The following ABCE1 variants were observed in gnomAD, a reference collection of about 807,000 sequenced individuals.
ABCE1 encodes the protein ATP-binding cassette sub-family E member 1.
Under a neutral mutation model 83.4 loss-of-function variants are expected in ABCE1, and 22 were observed. The ratio of observed to expected loss-of-function variants is 0.26; its 90% CI spans 0.19 to 0.38. ABCE1 has a LOEUF of 0.38. Among genes scored for constraint, ABCE1 ranks in the 10% least tolerant of loss-of-function variants. The probability of loss-of-function intolerance (pLI) is 1.00; values close to 1 mark genes in which losing one functional copy is unlikely to be tolerated. For missense variants in ABCE1, 330 were observed against 721.9 expected (o/e 0.46, Z 6.22); for synonymous variants, 204 against 233.7 (o/e 0.87, Z 1.16).
intron 1 of ABCE1, among the ~76,000 whole-genome samples, chr4:145,103,919 A>G (rs1749223768): frequency 6.6e-6 from 1 of 151,606 alleles, no homozygotes; most frequent in Non-Finnish European, 1.5e-5. Flanking sequence ...ACACCACCAC[A>G]TGTCTGGGGT....
chr4:145,102,942 G>A (rs975433473), intron 1 of ABCE1, among the ~76,000 whole-genome samples: 4 of 152,020 alleles, frequency 2.6e-5, no homozygotes, highest in Non-Finnish European at 5.9e-5. Flanking sequence ...GAGGAGAGGG[G>A]TTAAATGAGA....
At chr4:145,104,282 C>T in intron 1 of ABCE1, 104 bp from the exon 2 acceptor site, 1 of 416,764 alleles carries the variant, frequency 2.4e-6, no homozygotes, top group Non-Finnish European at 4.2e-6. Context: ...TGCAGATAAT[C>T]ATTTCATCTC....
intron 16 of ABCE1, chr4:145,123,911 A>C (rs573236022): frequency 8.1e-5 from 15 of 186,296 alleles, no homozygotes; most frequent in Non-Finnish European, 1.7e-4. Flanking sequence ...AAGATTGAAA[A>C]CTATTGCTTT....
At chr4:145,102,349 G>GA (rs1749175182) in intron 1 of ABCE1, among the ~76,000 whole-genome samples, 1 of 152,154 alleles carries the variant, frequency 6.6e-6, no homozygotes, top group South Asian at 2.1e-4. Context: ...AATGGGAGAC[G>GA]ATGGGGTCAG....
Position 145,110,111 on chromosome 4 carries a change from T to C in ABCE1, c.414T>C (p.Pro138=). The change falls in exon 6 of 18, where the codon CCT becomes CCC. Residue 138 remains proline, a synonymous_variant. Transcript: ENST00000296577. ...TTTTTTTTTTTTTTTAGGATCCTCC[T>C]GACTGGCAGGAGATTTTGACTTATT... The part of the protein sequence containing the change: ...KPNLGKYDDP[P]DWQEILTYFR... 6.4e-7 allele frequency: 1 copy of C among 1,571,536 alleles called. No homozygotes were observed. Among genetic ancestry groups the C allele is most frequent in the Non-Finnish European group, 8.6e-7 (1 of 1,165,188 alleles).
intron 17 of ABCE1, among the ~76,000 whole-genome samples, chr4:145,126,646 C>T (rs1218919896): frequency 6.6e-6 from 1 of 152,152 alleles, no homozygotes; most frequent in Non-Finnish European, 1.5e-5. Flanking sequence ...CATTTTATCA[C>T]TCTGTATCCA....
chr4:145,113,274 C>T (rs956462801), intron 9 of ABCE1, among the ~76,000 whole-genome samples: 21 of 152,116 alleles, frequency 1.4e-4, no homozygotes, highest in Admixed American at 1.2e-3. Context: ...TATCATTGCA[C>T]GGAAATGTCA....
intron 4 of ABCE1, among the ~76,000 whole-genome samples, chr4:145,108,357 A>G (rs1749365879): frequency 6.6e-6 from 1 of 152,188 alleles, no homozygotes; most frequent in Admixed American, 6.5e-5. Context: ...TAATTACATC[A>G]TAGGGTCTGG....
chr4:145,117,552 G>A (rs1026512357), intron 10 of ABCE1, 138 bp downstream of exon 10: 1 of 711,584 alleles, frequency 1.4e-6, no homozygotes, highest in Non-Finnish European at 2.1e-6. Context: ...TAATCACTGA[G>A]CATATAAGGT....
chr4:145,122,958 C>T (rs898810754), intron 13 of ABCE1, 63 bp from the exon 14 acceptor site: 6 of 1,156,400 alleles, frequency 5.2e-6, no homozygotes, highest in African/African-American at 1.6e-5. Context: ...TGTCAAGATT[C>T]ATAAATAGAA....
chr4:145,124,763 T>A (rs1749831145), intron 16 of ABCE1, among the ~76,000 whole-genome samples: 1 of 150,330 alleles, frequency 6.7e-6, no homozygotes, highest in African/African-American at 2.4e-5. Context: ...CCAGGTTAAA[T>A]TTTTTTTTTG....
intron 10 of ABCE1, among the ~76,000 whole-genome samples, chr4:145,118,659 T>C (rs1189558654): frequency 6.6e-6 from 1 of 151,914 alleles, no homozygotes; most frequent in Non-Finnish European, 1.5e-5. Flanking sequence ...ATAAATGTCA[T>C]GTCTAAAGGC....
chr4:145,098,785 C>A (rs1167396781), intron 1 of ABCE1, among the ~76,000 whole-genome samples: 3 of 152,250 alleles, frequency 2.0e-5, no homozygotes. Context: ...CTCTCTAGTA[C>A]CCCCACACTC....
chr4:145,111,417 G>C (rs530283403), intron 8 of ABCE1, among the ~76,000 whole-genome samples: 1 of 152,122 alleles, frequency 6.6e-6, no homozygotes, highest in African/African-American at 2.4e-5. Context: ...TCCACCTCCC[G>C]GGTTCACGCC....
Position 145,127,644 on chromosome 4 carries a change from C to G in ABCE1, c.*71C>G. On this transcript the variant is annotated 3_prime_UTR_variant, in exon 18 of 18. Transcript: ENST00000296577. ...TACTAGAATTTTTTGTCATATAAAA[C>G]TTGAATCAGGATTTTATGCCCCACA... is the stretch of plus-strand genomic sequence containing the variant. The G allele has an allele frequency of 8.0e-7, 1 of 1,250,546 alleles. No homozygotes were observed. The highest frequency in any genetic ancestry group is 1.6e-5 in the South Asian group (1 of 64,304). 77.5% of individuals were successfully genotyped at this position (1,250,546 alleles called of 1,614,324 possible).
intron 10 of ABCE1, among the ~76,000 whole-genome samples, chr4:145,117,995 A>G (rs1023083953): frequency 1.3e-5 from 2 of 151,618 alleles, no homozygotes; most frequent in Non-Finnish European, 3.0e-5. Context: ...CTAGCGTACC[A>G]CTAAGTGGCT....
intron 13 of ABCE1, chr4:145,121,894 A>T (rs1166639803): frequency 6.6e-6 from 1 of 152,306 alleles, no homozygotes; most frequent in Non-Finnish European, 1.5e-5. Context: ...AAAAATAAAG[A>T]TGTTTGTCAT....
chr4:145,125,087 C>G lies in ABCE1; in HGVS notation c.1738C>G (p.Leu580Val). Residue 580 changes from leucine (L) to valine (V), a missense_variant, in exon 17 of 18, where the codon CTT becomes GTT. Transcript: ENST00000296577. Reference protein sequence around the residue: ...PNNYRPRINKLNSIKDVEQKK... With the variant: ...PNNYRPRINKVNSIKDVEQKK... ...CAACTATAGGCCACGAATAAACAAACTTAATTCAATTAAGGTATGTAGAAA... is the reference window on the plus strand; with the variant it reads ...CAACTATAGGCCACGAATAAACAAAGTTAATTCAATTAAGGTATGTAGAAA... 1 of 1,603,856 alleles carries G rather than the reference C, an allele frequency of 6.2e-7. No homozygotes were observed.
intron 2 of ABCE1, 120 bp downstream of exon 2, chr4:145,104,635 G>T (rs1749250799): frequency 3.5e-6 from 2 of 579,088 alleles, no homozygotes. Context: ...TCATAAAACT[G>T]TGAAGACAAG....
Sources: allele counts gnomAD v4.1 joint callset (sites outside exome capture counted in the v4.1 genomes callset), GRCh38; gene constraint gnomAD v4.1.1; transcripts MANE v1.5; gene names NCBI Gene and HGNC (gene_info 2026-07-23, HGNC 2026-07-21).